DOCK3: variants seen among roughly 807,000 people sequenced by gnomAD.
The protein encoded by DOCK3 is dedicator of cytokinesis 3.
DOCK3 carries 60 observed loss-of-function variants against 265.6 expected under a neutral mutation model. The ratio of observed to expected loss-of-function variants is 0.23; its 90% CI spans 0.18 to 0.28. The LOEUF is 0.28. DOCK3 is among the 10% of genes least tolerant of loss of function. The pLI, the probability that DOCK3 is intolerant of heterozygous loss-of-function variation, is 1.00. For synonymous variants in DOCK3, 881 were observed against 938.0 expected (o/e 0.94, Z 1.11); for missense variants, 1,981 against 2,594.3 (o/e 0.76, Z 5.14).
chr3:51,179,068 A>C (rs1012071438), intron 12 of DOCK3, among the ~76,000 whole-genome samples: 1 of 152,222 alleles, frequency 6.6e-6, no homozygotes, highest in African/African-American at 2.4e-5. Context: ...AGTAGTATTG[A>C]TGTCAGGACA....
At chr3:50,724,801 G>T (rs1336536930) in intron 1 of DOCK3, among the ~76,000 whole-genome samples, 2 of 152,090 alleles carry the variant, frequency 1.3e-5, no homozygotes, top group African/African-American at 4.8e-5. Context: ...AAACCTGCAC[G>T]TTGTGCACAT....
chr3:50,776,001 G>A (rs2041573818), intron 1 of DOCK3, among the ~76,000 whole-genome samples: 1 of 152,140 alleles, frequency 6.6e-6, no homozygotes, highest in African/African-American at 2.4e-5. Flanking sequence ...GCGCATTTAG[G>A]TTGGTTCTGT....
chr3:50,835,011 C>G (rs1264098339), intron 2 of DOCK3, among the ~76,000 whole-genome samples: 1 of 152,122 alleles, frequency 6.6e-6, no homozygotes, highest in East Asian at 1.9e-4. Context: ...TTCTCATAAA[C>G]CTTTTTTATA....
chr3:51,380,845 T>G (rs1472191676), intron 52 of DOCK3, among the ~76,000 whole-genome samples: 5 of 152,150 alleles, frequency 3.3e-5, no homozygotes, highest in African/African-American at 1.2e-4. Context: ...GGGCAATTTT[T>G]TGGCCACAGA....
rs61647195 is a variant in DOCK3 at position 50,991,777 on chromosome 3, C to A, written c.315+57700C>A. ...TACGAAACTCTCCACCAAAAAAAAA[C>A]AACAGAATATACATTCTTCTTATCG... is the stretch of plus-strand genomic sequence containing the variant. On this transcript the variant is annotated intron_variant, in intron 5 of 52. Transcript: ENST00000266037. Among the ~76,000 whole-genome samples the A allele has an allele frequency of 7.6e-3, 1,151 of 152,020 alleles. 17 individuals carry two copies. Among genetic ancestry groups the A allele is most frequent in the African/African-American group, 0.027 (1,107 of 41,474 alleles).
At chr3:50,754,157 CA>C (rs71084110) in intron 1 of DOCK3, among the ~76,000 whole-genome samples, 1,201 of 61,484 alleles carry the variant, frequency 0.02, 4 homozygotes, top group African/African-American at 0.087. Context: ...GACTCTGTCT[CA>C]AAAAAAAAAA....
At chr3:51,159,366 T>G (rs1438599865) in intron 11 of DOCK3, 62 bp downstream of exon 11, 2 of 1,484,250 alleles carry the variant, frequency 1.3e-6, no homozygotes, top group Middle Eastern at 1.7e-4. Flanking sequence ...AAGTATGTCT[T>G]GTGCATGAGC....
At chr3:51,284,156 T>C (rs762552166) in intron 27 of DOCK3, among the ~76,000 whole-genome samples, 1 of 152,076 alleles carries the variant, frequency 6.6e-6, no homozygotes, top group Non-Finnish European at 1.5e-5. Flanking sequence ...GCTCCAACTT[T>C]TACAGCTTCT....
chr3:51,375,676 C>A, intron 50 of DOCK3, 72 bp from the exon 51 acceptor site: 1 of 1,538,050 alleles, frequency 6.5e-7, no homozygotes, highest in Non-Finnish European at 9.0e-7. Context: ...TGTCTCTCGT[C>A]GCCCACAACA....
chr3:50,798,363 C>T (rs1327589419), intron 2 of DOCK3, among the ~76,000 whole-genome samples: 1 of 152,194 alleles, frequency 6.6e-6, no homozygotes, highest in East Asian at 1.9e-4. Context: ...GCATAATACT[C>T]AGTTTTCCTG....
Position 51,360,490 on chromosome 3 carries a change from G to A in DOCK3, c.4885-21G>A, listed in dbSNP as rs368884284. ...TTATTTATTCTTTACTCTCTATGAAGGGGCATTCATTTCTCAACAGGAGTT... is the reference window on the plus strand; with the variant it reads ...TTATTTATTCTTTACTCTCTATGAAAGGGCATTCATTTCTCAACAGGAGTT... On this transcript the variant is annotated intron_variant, in intron 46 of 52. Transcript: ENST00000266037. The A allele has an allele frequency of 1.4e-5, 22 of 1,603,618 alleles. No individual in the cohort carries two copies. In the African/African-American group the frequency reaches 2.3e-4, roughly 17 times the overall value.
chr3:50,889,246 G>A (rs933828958), intron 3 of DOCK3, among the ~76,000 whole-genome samples: 3 of 151,788 alleles, frequency 2.0e-5, no homozygotes, highest in African/African-American at 7.3e-5. Context: ...ACCACACCTG[G>A]CTAACTTTCT....
At chr3:51,224,331 A>ACT (rs1308793642) in intron 14 of DOCK3, among the ~76,000 whole-genome samples, 1 of 152,228 alleles carries the variant, frequency 6.6e-6, no homozygotes, top group Non-Finnish European at 1.5e-5. Context: ...TAATGGAAGG[A>ACT]CTAGTCACGA....
At chr3:51,271,423 C>T (rs2080487844) in intron 24 of DOCK3, among the ~76,000 whole-genome samples, 1 of 152,084 alleles carries the variant, frequency 6.6e-6, no homozygotes, top group South Asian at 2.1e-4. Flanking sequence ...TCTCTGTGTT[C>T]TCACATAGCA....
At chr3:50,755,861 A>C (rs1373979082) in intron 1 of DOCK3, among the ~76,000 whole-genome samples, 1 of 152,206 alleles carries the variant, frequency 6.6e-6, no homozygotes, top group Non-Finnish European at 1.5e-5. Flanking sequence ...TTCTAGACTA[A>C]TAATATTCCA....
chr3:51,225,778 G>T lies in DOCK3; in HGVS notation c.1377+5G>T, dbSNP rs1279395674. The T allele has an allele frequency of 1.2e-6, 2 of 1,609,308 alleles. No homozygotes were observed. Among genetic ancestry groups the T allele is most frequent in the Non-Finnish European group, 1.7e-6 (2 of 1,177,680 alleles). On this transcript the variant is annotated splice_donor_5th_base_variant and intron_variant, in intron 15 of 52. Coordinates refer to ENST00000266037, the MANE Select transcript of DOCK3 (RefSeq NM_004947.5). ...GCAGATGGAGAAATCTTGAAGGTAA[G>T]GCTTGCCAGTCAGTCATTTGGGTTG... is the stretch of plus-strand genomic sequence containing the variant.
chr3:50,767,200 A>G (rs933608874), intron 1 of DOCK3, among the ~76,000 whole-genome samples: 1 of 152,136 alleles, frequency 6.6e-6, no homozygotes, highest in Admixed American at 6.5e-5. Flanking sequence ...GCCCATGCCT[A>G]TGTCCTGAAT....
At chr3:51,302,694 A>G (rs968742288) in intron 27 of DOCK3, among the ~76,000 whole-genome samples, 3 of 152,152 alleles carry the variant, frequency 2.0e-5, no homozygotes, top group Non-Finnish European at 2.9e-5. Context: ...GTTTGGCCAG[A>G]TATGAAACTC....
intron 6 of DOCK3, among the ~76,000 whole-genome samples, chr3:51,070,656 A>G (rs1292904218): frequency 6.6e-6 from 1 of 152,190 alleles, no homozygotes; most frequent in Non-Finnish European, 1.5e-5. Flanking sequence ...TGTTTTTACT[A>G]TAAGCATTAG....
Sources: allele counts gnomAD v4.1 joint callset (sites outside exome capture counted in the v4.1 genomes callset), GRCh38; gene constraint gnomAD v4.1.1; transcripts MANE v1.5; gene names NCBI Gene and HGNC (gene_info 2026-07-23, HGNC 2026-07-21).